The following NBAS variants were observed in gnomAD, a reference collection of about 807,000 sequenced individuals.
NBAS encodes NAG/BC035112 fusion.
NBAS carries 219 observed loss-of-function variants against 302.5 expected under a neutral mutation model. The ratio of observed to expected loss-of-function variants is 0.72; its 90% CI spans 0.65 to 0.81. NBAS has a LOEUF of 0.81. Ranked by LOEUF, NBAS falls within the 30% of genes least tolerant of loss-of-function variation. The pLI, the probability that NBAS is intolerant of heterozygous loss-of-function variation, is 0.00. For missense variants in NBAS, 2,932 were observed against 2,841.6 expected, an observed-to-expected ratio of 1.03 and a Z score of -0.72; for synonymous variants, 1,118 against 1,021.6, an observed-to-expected ratio of 1.09 and a Z score of -1.80.
chr2:14,995,985 C>T, the NBAS span, among the ~76,000 whole-genome samples: 2 of 151,876 alleles, frequency 1.3e-5, no homozygotes, highest in African/African-American at 2.4e-5. Context: ...GTCTTAGGTG[C>T]CCCCCATGTA....
intron 1 of NBAS, 105 bp from the exon 2 acceptor site, chr2:15,558,739 G>T: frequency 1.1e-6 from 1 of 898,398 alleles, no homozygotes; most frequent in Non-Finnish European, 1.8e-6. Context: ...AATACTCAGA[G>T]TTTTGGGCAC....
At chr2:15,275,377 T>C (rs969265296) in intron 44 of NBAS, 107 bp downstream of exon 44, 14 of 1,282,044 alleles carry the variant, frequency 1.1e-5, no homozygotes, top group Middle Eastern at 2.0e-4. Flanking sequence ...AAAGCCAACA[T>C]GTAATTATTT....
At chr2:15,132,559 C>T in the NBAS span, among the ~76,000 whole-genome samples, 1 of 151,938 alleles carries the variant, frequency 6.6e-6, no homozygotes, top group Non-Finnish European at 1.5e-5. Context: ...AGAATGGTCC[C>T]CTAATAAAAA....
chr2:15,160,885 T>G, the NBAS span, among the ~76,000 whole-genome samples: 259 of 152,328 alleles, frequency 1.7e-3, 2 homozygotes, highest in African/African-American at 6.0e-3. Flanking sequence ...AAAAGTTCTA[T>G]TTCAGTAAGA....
intron 48 of NBAS, among the ~76,000 whole-genome samples, chr2:15,199,722 T>C (rs1665788529): frequency 6.6e-6 from 1 of 152,102 alleles, no homozygotes; most frequent in African/African-American, 2.4e-5. Context: ...GACTTGATTT[T>C]TTCCTCTTCC....
At chr2:15,184,467 T>C (rs1324386425) in intron 50 of NBAS, among the ~76,000 whole-genome samples, 1 of 151,078 alleles carries the variant, frequency 6.6e-6, no homozygotes, top group Non-Finnish European at 1.5e-5. Context: ...CGAGGGGCGA[T>C]GGGCTACAGT....
At chr2:15,518,573 G>T (rs1284274518) in intron 9 of NBAS, among the ~76,000 whole-genome samples, 2 of 151,962 alleles carry the variant, frequency 1.3e-5, no homozygotes, top group African/African-American at 2.4e-5. Flanking sequence ...CTACACTAAA[G>T]CACACAACAT....
At chr2:14,922,323 A>G in the NBAS span, among the ~76,000 whole-genome samples, 36 of 152,326 alleles carry the variant, frequency 2.4e-4, no homozygotes, top group African/African-American at 6.7e-4. Context: ...AGAGATTAGG[A>G]AAGTCCAGAG....
At chr2:14,797,440 G>A in the NBAS span, among the ~76,000 whole-genome samples, 4 of 152,206 alleles carry the variant, frequency 2.6e-5, no homozygotes, top group Non-Finnish European at 4.4e-5. Flanking sequence ...CCCAGGAGCC[G>A]TGGGTTGGAG....
In NBAS at chr2:15,441,760, C is replaced by A. The variant is rs540498565; in HGVS notation, c.2340-13966G>T. Reference sequence around the variant, plus strand: ...CATCAGTGTGCTGTATTCAGGAAACCCATCTCATGTGCAGAGACAAACATA... The same window carrying A: ...CATCAGTGTGCTGTATTCAGGAAACACATCTCATGTGCAGAGACAAACATA... On this transcript the variant is annotated intron_variant, in intron 21 of 51. Transcript: ENST00000281513. Among the ~76,000 whole-genome samples the A allele has an allele frequency of 3.9e-5, 6 of 152,002 alleles. No homozygotes were observed. In the East Asian group the frequency reaches 1.2e-3, roughly 29 times the overall value.
At position 15,276,932 on chromosome 2, in the gene NBAS, C is replaced by T. The variant is rs2148058858; in HGVS notation, c.5308G>A (p.Gly1770Ser). The change falls in exon 43 of 52, where the codon GGC (glycine) becomes AGC (serine). Residue 1770 changes from glycine (G) to serine (S), a missense_variant. Coordinates refer to ENST00000281513, the MANE Select transcript of NBAS (RefSeq NM_015909.4). Reference sequence around the variant, plus strand: ...GCACAGTTCCCCAAATCTGCACAGCCACAGTTTTCCAGAAGAGTGAAATAA... The same window carrying T: ...GCACAGTTCCCCAAATCTGCACAGCTACAGTTTTCCAGAAGAGTGAAATAA... The part of the protein sequence containing the change: ...QYYFTLLENC[G>S]CADLGNCAIK... 6.2e-7 allele frequency: 1 copy of T among 1,614,028 alleles called. No individual in the cohort carries two copies. Among genetic ancestry groups the T allele is most frequent in the Non-Finnish European group, 8.5e-7 (1 of 1,179,982 alleles).
intron 26 of NBAS, among the ~76,000 whole-genome samples, chr2:15,400,262 A>G (rs908313379): frequency 5.3e-5 from 8 of 152,042 alleles, no homozygotes; most frequent in African/African-American, 1.9e-4. Flanking sequence ...TGAAAGGAAT[A>G]GAGAGATCAT....
At chr2:15,001,072 T>C in the NBAS span, among the ~76,000 whole-genome samples, 1 of 152,152 alleles carries the variant, frequency 6.6e-6, no homozygotes, top group South Asian at 2.1e-4. Flanking sequence ...CCAGCAGTCA[T>C]TGTCCTAACA....
At chr2:15,247,665 T>A (rs1477429554) in intron 44 of NBAS, among the ~76,000 whole-genome samples, 1 of 150,264 alleles carries the variant, frequency 6.7e-6, no homozygotes, top group East Asian at 1.9e-4. Context: ...GAAGAGCTAC[T>A]CTCTCTCTCT....
chr2:15,207,170 G>A (rs1003715511), intron 48 of NBAS, among the ~76,000 whole-genome samples: 37 of 152,194 alleles, frequency 2.4e-4, no homozygotes, highest in African/African-American at 4.1e-4. Context: ...TTGCATGACC[G>A]AGCCCTGGAT....
chr2:15,406,370 T>A (rs964278557), intron 25 of NBAS, among the ~76,000 whole-genome samples: 4 of 152,092 alleles, frequency 2.6e-5, no homozygotes, highest in Admixed American at 6.5e-5. Flanking sequence ...CGTGGTCATT[T>A]GGGAAAATAA....
At chr2:15,387,159 C>T (rs1389323986) in intron 28 of NBAS, among the ~76,000 whole-genome samples, 1 of 150,612 alleles carries the variant, frequency 6.6e-6, no homozygotes, top group African/African-American at 2.4e-5. Flanking sequence ...GCTCTGCCTC[C>T]CGGGTTCACG....
chr2:15,266,804 C>G (rs1173901823), intron 44 of NBAS, among the ~76,000 whole-genome samples: 2 of 152,116 alleles, frequency 1.3e-5, no homozygotes, highest in African/African-American at 4.8e-5. Flanking sequence ...AGTTGTGACT[C>G]CTCTTTATGC....
At chr2:15,269,514 T>C (rs1009226816) in intron 44 of NBAS, among the ~76,000 whole-genome samples, 5 of 152,172 alleles carry the variant, frequency 3.3e-5, no homozygotes, top group Non-Finnish European at 7.4e-5. Flanking sequence ...CATGATAAAA[T>C]TGGAACTTTC....
Sources: gnomAD v4.1 joint callset for allele counts (sites outside exome capture counted in the v4.1 genomes callset) on GRCh38, gnomAD v4.1.1 for gene constraint, MANE v1.5 for transcripts, NCBI Gene and HGNC (gene_info 2026-07-23, HGNC 2026-07-21) for gene names.